Variants in PRKCB observed in about 807,000 individuals in gnomAD.
PRKCB encodes protein kinase C beta type.
PRKCB carries 13 observed loss-of-function variants against 81.5 expected under a neutral mutation model. The observed-to-expected ratio is 0.16, with a 90% CI of 0.10 to 0.25. The LOEUF (loss-of-function observed/expected upper bound fraction) is 0.25. PRKCB is among the 10% of genes least tolerant of loss of function. The pLI is 1.00. For synonymous variants in PRKCB, 335 were observed against 321.4 expected, an observed-to-expected ratio of 1.04 and a Z score of -0.45; for missense variants, 509 against 875.7, an observed-to-expected ratio of 0.58 and a Z score of 5.29.
chr16:23,933,805 T>TCCAC (rs1000459376), intron 2 of PRKCB, among the ~76,000 whole-genome samples: 47 of 139,854 alleles, frequency 3.4e-4, no homozygotes, highest in South Asian at 2.5e-4. Flanking sequence ...CATCCATCCA[T>TCCAC]CCACCCATCC....
At chr16:23,878,914 T>C (rs1325068818) in intron 2 of PRKCB, among the ~76,000 whole-genome samples, 1 of 152,038 alleles carries the variant, frequency 6.6e-6, no homozygotes, top group Non-Finnish European at 1.5e-5. Flanking sequence ...TGGTGGTTCA[T>C]GCTGTAATCC....
In PRKCB at chr16:23,988,714, C is replaced by T; in HGVS notation, c.288+124C>T. ...CTCACTCTAAGGCATGTGGTGGTCCCTATAGCTTTTGAGACAGTTTTCCTT... is the reference window on the plus strand; with the variant it reads ...CTCACTCTAAGGCATGTGGTGGTCCTTATAGCTTTTGAGACAGTTTTCCTT... On this transcript the variant is annotated intron_variant, in intron 3 of 16. Transcript: ENST00000643927. 4.5e-6 allele frequency: 4 copies of T among 879,540 alleles called. 1 individual carries two copies. The highest frequency in any genetic ancestry group is 6.9e-6 in the Non-Finnish European group (4 of 581,464). The allele number at this position is 879,540 out of a possible 1,614,324, so 54.5% of individuals were successfully genotyped here. A position where few individuals can be genotyped will look rare whatever the true frequency, so the allele number is the denominator to read the frequency against.
chr16:24,150,083 C>T (rs1967056255), intron 9 of PRKCB, among the ~76,000 whole-genome samples: 1 of 152,136 alleles, frequency 6.6e-6, no homozygotes, highest in Non-Finnish European at 1.5e-5. Flanking sequence ...GTAATCCCAG[C>T]ACTTTGGGAG....
At chr16:23,957,040 G>C (rs1049373508) in intron 2 of PRKCB, among the ~76,000 whole-genome samples, 2 of 143,972 alleles carry the variant, frequency 1.4e-5, no homozygotes, top group African/African-American at 5.1e-5. Flanking sequence ...GCATACTTCT[G>C]TAACCTTGAG....
intron 5 of PRKCB, among the ~76,000 whole-genome samples, chr16:24,058,200 A>G (rs949353628): frequency 2.6e-5 from 4 of 152,116 alleles, no homozygotes; most frequent in Non-Finnish European, 4.4e-5. Context: ...CTTCTCAGAA[A>G]GCCCGCCTCT....
At chr16:24,004,673 A>T (rs911434437) in intron 3 of PRKCB, among the ~76,000 whole-genome samples, 6 of 152,082 alleles carry the variant, frequency 3.9e-5, no homozygotes, top group Non-Finnish European at 7.4e-5. Context: ...AAAACTAAAC[A>T]AAAACATAAA....
chr16:24,103,720 C>G (rs1394215799), intron 7 of PRKCB, among the ~76,000 whole-genome samples: 2 of 152,206 alleles, frequency 1.3e-5, no homozygotes, highest in Non-Finnish European at 2.9e-5. Flanking sequence ...CCCCTCTCCC[C>G]TCTACAGTTC....
At chr16:24,182,727 G>A (rs925076391) in intron 13 of PRKCB, among the ~76,000 whole-genome samples, 20 of 152,082 alleles carry the variant, frequency 1.3e-4, no homozygotes, top group African/African-American at 3.4e-4. Flanking sequence ...GGGCTGGAGG[G>A]GAGGCAACTT....
At chr16:23,894,581 T>G (rs1963343835) in intron 2 of PRKCB, among the ~76,000 whole-genome samples, 1 of 152,228 alleles carries the variant, frequency 6.6e-6, no homozygotes, top group Non-Finnish European at 1.5e-5. Context: ...AATGTCCAGC[T>G]TCCAGGTGCA....
At chr16:24,063,565 G>A (rs1421770638) in intron 5 of PRKCB, among the ~76,000 whole-genome samples, 1 of 152,156 alleles carries the variant, frequency 6.6e-6, no homozygotes, top group Non-Finnish European at 1.5e-5. Context: ...AGAGTGCTGG[G>A]ATTACAGGCG....
chr16:23,987,917 T>C (rs1424669021), intron 2 of PRKCB, among the ~76,000 whole-genome samples: 2 of 152,204 alleles, frequency 1.3e-5, no homozygotes, highest in Non-Finnish European at 2.9e-5. Flanking sequence ...TTCACACCAA[T>C]TCAAATGTGT....
intron 2 of PRKCB, among the ~76,000 whole-genome samples, chr16:23,932,059 A>G (rs1339362934): frequency 1.3e-5 from 2 of 152,238 alleles, no homozygotes; most frequent in Admixed American, 6.5e-5. Flanking sequence ...AACCAAATTT[A>G]CAGGAAATAC....
At chr16:24,058,585 A>G (rs1362412667) in intron 5 of PRKCB, among the ~76,000 whole-genome samples, 2 of 152,060 alleles carry the variant, frequency 1.3e-5, no homozygotes, top group Non-Finnish European at 2.9e-5. Flanking sequence ...TAATGCCTGA[A>G]TCAGACATTG....
intron 9 of PRKCB, among the ~76,000 whole-genome samples, chr16:24,132,537 G>A (rs1567386640): frequency 6.6e-6 from 1 of 152,188 alleles, no homozygotes; most frequent in African/African-American, 2.4e-5. Flanking sequence ...TGGTGACGAC[G>A]AAGATGATGA....
intron 2 of PRKCB, among the ~76,000 whole-genome samples, chr16:23,950,700 C>T (rs1429623913): frequency 6.6e-6 from 1 of 152,236 alleles, no homozygotes; most frequent in Non-Finnish European, 1.5e-5. Context: ...TTTGGGCCTG[C>T]TGCTGTCTTG....
intron 2 of PRKCB, among the ~76,000 whole-genome samples, chr16:23,969,439 T>C (rs1458933205): frequency 6.6e-6 from 1 of 152,194 alleles, no homozygotes; most frequent in Non-Finnish European, 1.5e-5. Context: ...CGCATGCATG[T>C]GCCTGTATTG....
At chr16:24,026,235 C>T (rs1207255701) in intron 3 of PRKCB, among the ~76,000 whole-genome samples, 4 of 152,270 alleles carry the variant, frequency 2.6e-5, no homozygotes, top group East Asian at 1.9e-4. Context: ...GCAGAGGCTG[C>T]GGTGAGCTAT....
At chr16:23,950,715 T>C (rs1964269319) in intron 2 of PRKCB, among the ~76,000 whole-genome samples, 2 of 152,238 alleles carry the variant, frequency 1.3e-5, no homozygotes, top group African/African-American at 4.8e-5. Flanking sequence ...GTCTTGTCTA[T>C]CTAGGCCTTG....
chr16:24,012,904 C>CT (rs1314797825), intron 3 of PRKCB, among the ~76,000 whole-genome samples: 1 of 152,264 alleles, frequency 6.6e-6, no homozygotes, highest in Non-Finnish European at 1.5e-5. Context: ...ATACTTCTCC[C>CT]TTGGCTGAGA....
Sources: allele counts gnomAD v4.1 joint callset (sites outside exome capture counted in the v4.1 genomes callset), GRCh38; gene constraint gnomAD v4.1.1; transcripts MANE v1.5; gene names NCBI Gene and HGNC (gene_info 2026-07-23, HGNC 2026-07-21).